The following CPED1 variants were observed in gnomAD, a reference collection of about 807,000 sequenced individuals.
CPED1 encodes the protein cadherin-like and PC-esterase domain-containing protein 1.
Under a neutral mutation model 128.2 loss-of-function variants are expected in CPED1, and 114 were observed. The observed-to-expected ratio is 0.89, with a 90% CI of 0.76 to 1.04. The LOEUF is 1.04. Ranked by LOEUF, CPED1 falls within the 50% of genes least tolerant of loss-of-function variation. The pLI is 0.00. For missense variants in CPED1, 1,211 were observed against 1,207.1 expected (o/e 1.00, Z -0.05); for synonymous variants, 462 against 426.7 (o/e 1.08, Z -1.02).
At chr7:120,997,007 A>AATCCATT (rs1002668585) in intron 2 of CPED1, among the ~76,000 whole-genome samples, 2 of 152,202 alleles carry the variant, frequency 1.3e-5, no homozygotes, top group African/African-American at 4.8e-5. Flanking sequence ...TGTAATCCAT[A>AATCCATT]ATCCATAATC....
rs771409524 is a variant in CPED1 at position 121,047,944 on chromosome 7, G to A, written c.540+951G>A. ...GATGGTCTCGATTTCCTGACTTCGC[G>A]ATCCGCCCGCTTCGGCCTCCCAAAC... is the stretch of plus-strand genomic sequence containing the variant. On this transcript the variant is annotated intron_variant, in intron 4 of 22. Coordinates refer to ENST00000310396, the MANE Select transcript of CPED1 (RefSeq NM_024913.5). Among the ~76,000 whole-genome samples the A allele has an allele frequency of 9.9e-4, 151 of 151,988 alleles. 2 individuals are homozygous for A. Among genetic ancestry groups the A allele is most frequent in the Non-Finnish European group, 3.2e-4 (22 of 67,998 alleles).
Position 121,139,042 on chromosome 7 carries a change from C to A in CPED1, c.1700-1785C>A, listed in dbSNP as rs376183889. 1.2e-4 allele frequency among the ~76,000 whole-genome samples: 18 copies of A among 152,078 alleles called. No individual in the cohort carries two copies. The East Asian group carries it at 2.1e-3, about 18-fold the overall frequency. ...ACTGTGGTCCTTTACAGAATGACTT[C>A]TAATAAAAACAATTTCTGCCTTCAT... On this transcript the variant is annotated intron_variant, in intron 14 of 22. Transcript: ENST00000310396.
At chr7:121,266,957 A>C in intron 20 of CPED1, 149 bp downstream of exon 20, 1 of 660,336 alleles carries the variant, frequency 1.5e-6, no homozygotes. Context: ...ATAAAGTAAA[A>C]TAGTCTTGTA....
At chr7:121,238,872 A>G (rs1480621202) in intron 17 of CPED1, among the ~76,000 whole-genome samples, 1 of 151,996 alleles carries the variant, frequency 6.6e-6, no homozygotes, top group Non-Finnish European at 1.5e-5. Flanking sequence ...TCCCTTATCC[A>G]TCTTCCAATG....
intron 16 of CPED1, among the ~76,000 whole-genome samples, chr7:121,150,565 C>A (rs1796134560): frequency 6.6e-6 from 1 of 151,818 alleles, no homozygotes; most frequent in Non-Finnish European, 1.5e-5. Flanking sequence ...GGATATATAC[C>A]TAGTAATGGT....
rs933092323 is a variant in CPED1 at position 121,044,881 on chromosome 7, C to G, written c.434-2006C>G. Reference sequence around the variant, plus strand: ...AGGAATATAAAACTTACTCTGAGACCAAAACACTGCAGGTCATGATTTGAA... The same window carrying G: ...AGGAATATAAAACTTACTCTGAGACGAAAACACTGCAGGTCATGATTTGAA... On this transcript the variant is annotated intron_variant, in intron 3 of 22. Coordinates refer to ENST00000310396, the MANE Select transcript of CPED1 (RefSeq NM_024913.5). 3.8e-4 allele frequency among the ~76,000 whole-genome samples: 57 copies of G among 151,850 alleles called. 3 individuals are homozygous for G. The highest frequency in any genetic ancestry group is 1.5e-5 in the Non-Finnish European group (1 of 67,964).
intron 16 of CPED1, among the ~76,000 whole-genome samples, chr7:121,172,344 C>T (rs1056497621): frequency 5.3e-5 from 8 of 151,378 alleles, no homozygotes; most frequent in Non-Finnish European, 1.0e-4. Context: ...TTTTCTATCT[C>T]ACAGTTTCAT....
chr7:121,000,803 C>A (rs1366188858), intron 2 of CPED1, among the ~76,000 whole-genome samples: 1 of 152,104 alleles, frequency 6.6e-6, no homozygotes, highest in Non-Finnish European at 1.5e-5. Context: ...TACGTTGGTC[C>A]AAATTCCAGC....
intron 3 of CPED1, among the ~76,000 whole-genome samples, chr7:121,031,588 A>T (rs1585028595): frequency 6.6e-6 from 1 of 152,324 alleles, no homozygotes; most frequent in African/African-American, 2.4e-5. Flanking sequence ...ACACTCAGCC[A>T]GTCTCTGCCA....
At chr7:121,180,247 T>C (rs1796872877) in intron 16 of CPED1, among the ~76,000 whole-genome samples, 2 of 152,112 alleles carry the variant, frequency 1.3e-5, no homozygotes, top group African/African-American at 4.8e-5. Context: ...ATTATCGCAC[T>C]GCAGGAGAGA....
intron 18 of CPED1, among the ~76,000 whole-genome samples, chr7:121,248,054 A>G (rs1025958660): frequency 5.9e-5 from 9 of 152,194 alleles, no homozygotes; most frequent in Non-Finnish European, 1.2e-4. Context: ...TAGATCCCCT[A>G]GCGCACCTGA....
At chr7:121,109,691 G>T (rs1240282275) in intron 7 of CPED1, among the ~76,000 whole-genome samples, 2 of 152,072 alleles carry the variant, frequency 1.3e-5, no homozygotes, top group Admixed American at 1.3e-4. Flanking sequence ...ACTTCTACTA[G>T]AAATTTTTTC....
chr7:121,051,838 T>A (rs1277005499), intron 4 of CPED1: 1 of 155,192 alleles, frequency 6.4e-6, no homozygotes, highest in Non-Finnish European at 1.4e-5. Flanking sequence ...GATAGCCCCT[T>A]AAGGAAAATT....
intron 16 of CPED1, among the ~76,000 whole-genome samples, chr7:121,146,313 G>A (rs1371956610): frequency 1.3e-5 from 2 of 152,058 alleles, no homozygotes; most frequent in African/African-American, 4.8e-5. Context: ...ACTTTTATAA[G>A]GCACTCATCC....
chr7:121,172,270 A>C lies in CPED1; in HGVS notation c.2055+30129A>C, dbSNP rs79552979. On this transcript the variant is annotated intron_variant, in intron 16 of 22. Coordinates refer to ENST00000310396, the MANE Select transcript of CPED1 (RefSeq NM_024913.5). ...ATATTTATAGTATTACAGATAAATG[A>C]TGATTTTTCTATAAAACTAGTGCTT... Among the ~76,000 whole-genome samples the C allele has an allele frequency of 4.7e-3, 716 of 152,314 alleles. 4 individuals are homozygous for C. Among genetic ancestry groups the C allele is most frequent in the African/African-American group, 0.016 (673 of 41,574 alleles).
At chr7:121,261,370 A>G (rs1429752849) in intron 18 of CPED1, among the ~76,000 whole-genome samples, 1 of 152,088 alleles carries the variant, frequency 6.6e-6, no homozygotes, top group Non-Finnish European at 1.5e-5. Flanking sequence ...TCATAGGTGG[A>G]AAAATCTGAA....
At chr7:121,285,188 CT>C (rs1792540957) in intron 22 of CPED1, among the ~76,000 whole-genome samples, 1 of 152,222 alleles carries the variant, frequency 6.6e-6, no homozygotes, top group Admixed American at 6.5e-5. Context: ...GTATTTGCCT[CT>C]TTTGGCCACA....
intron 5 of CPED1, among the ~76,000 whole-genome samples, chr7:121,092,505 G>A (rs186396722): frequency 9.9e-5 from 15 of 152,272 alleles, no homozygotes; most frequent in African/African-American, 2.2e-4. Flanking sequence ...AATCTTTGCC[G>A]TCATGGAGCT....
chr7:121,047,788 G>A (rs1793253738), intron 4 of CPED1, among the ~76,000 whole-genome samples: 1 of 149,640 alleles, frequency 6.7e-6, no homozygotes, highest in Non-Finnish European at 1.5e-5. Context: ...TCGGCTTACT[G>A]CAAGCTCCGC....
Sources: gnomAD v4.1 joint callset for allele counts (sites outside exome capture counted in the v4.1 genomes callset) on GRCh38, gnomAD v4.1.1 for gene constraint, MANE v1.5 for transcripts, NCBI Gene and HGNC (gene_info 2026-07-23, HGNC 2026-07-21) for gene names.